FAT3: variants seen among roughly 807,000 people sequenced by gnomAD.
The protein encoded by FAT3 is protocadherin Fat 3.
In FAT3, 95 loss-of-function variants were observed where a neutral mutation model predicts 310.2. The observed-to-expected ratio is 0.31, with a 90% CI of 0.26 to 0.36. The LOEUF (loss-of-function observed/expected upper bound fraction) is 0.36, where lower values mean the gene tolerates loss of function less well. Among genes scored for constraint, FAT3 ranks in the 10% least tolerant of loss-of-function variants. FAT3 has a pLI of 1.00. For synonymous variants in FAT3, 2,314 were observed against 2,192.9 expected (o/e 1.06, Z -1.54); for missense variants, 5,408 against 5,715.6 (o/e 0.95, Z 1.74).
intron 3 of FAT3, among the ~76,000 whole-genome samples, chr11:92,544,874 A>T (rs571997261): frequency 6.6e-6 from 1 of 152,234 alleles, no homozygotes; most frequent in South Asian, 2.1e-4. Flanking sequence ...AGGTTTTGAG[A>T]CTTATGTGTG....
chr11:92,809,197 A>C (rs1440371692), intron 12 of FAT3, among the ~76,000 whole-genome samples: 2 of 152,172 alleles, frequency 1.3e-5, no homozygotes, highest in African/African-American at 4.8e-5. Flanking sequence ...GATGCTAAGG[A>C]ACTGCTTTTC....
Position 92,810,017 on chromosome 11 carries a change from A to G in FAT3, c.9422A>G (p.Tyr3141Cys), listed in dbSNP as rs751754446. ...TCTGACCACTACAACACCTGTGTCT[A>G]TGAGAACACAGCCACCAAGGCTCTG... ...FSSDHYNTCV[Y>C]ENTATKALLT... The change falls in exon 13 of 28, where the codon TAT becomes TGT. Residue 3141 changes from tyrosine to cysteine, a missense_variant. Tyr to Cys is a radical substitution (Grantham distance 194). This residue lies in a region of FAT3 where 4,588 missense variants were observed against 4,809.8 expected (regional missense o/e 0.95). Transcript: ENST00000525166. 3 of 1,613,934 alleles carry G rather than the reference A, an allele frequency of 1.9e-6. No homozygotes were observed. The highest frequency in any genetic ancestry group is 1.1e-5 in the South Asian group (1 of 91,074).
intron 4 of FAT3, among the ~76,000 whole-genome samples, chr11:92,734,504 A>G (rs1188595380): frequency 6.6e-6 from 1 of 152,202 alleles, no homozygotes; most frequent in Non-Finnish European, 1.5e-5. Flanking sequence ...ACTGAACGCT[A>G]AAGTCTAAGT....
At chr11:92,269,816 G>A (rs1946074435) in intron 1 of FAT3, among the ~76,000 whole-genome samples, 1 of 152,116 alleles carries the variant, frequency 6.6e-6, no homozygotes. Context: ...TGTAGCCACT[G>A]TACCCCACTT....
At chr11:92,661,455 A>G (rs1942778545) in intron 3 of FAT3, among the ~76,000 whole-genome samples, 1 of 152,120 alleles carries the variant, frequency 6.6e-6, no homozygotes, top group Admixed American at 6.5e-5. Context: ...ATTCAATTCC[A>G]AGATCCACAT....
At chr11:92,571,827 A>T (rs781704475) in intron 3 of FAT3, among the ~76,000 whole-genome samples, 7 of 151,608 alleles carry the variant, frequency 4.6e-5, no homozygotes, top group Non-Finnish European at 8.8e-5. Context: ...TCTGCATTTG[A>T]TTTCTTTCTT....
chr11:92,322,799 C>T (rs543892567), intron 1 of FAT3, among the ~76,000 whole-genome samples: 1 of 152,276 alleles, frequency 6.6e-6, no homozygotes, highest in African/African-American at 2.4e-5. Flanking sequence ...ACTTGTGATT[C>T]TAGTTCTCTC....
At chr11:92,514,004 C>T (rs949519653) in intron 2 of FAT3, among the ~76,000 whole-genome samples, 1 of 152,138 alleles carries the variant, frequency 6.6e-6, no homozygotes, top group African/African-American at 2.4e-5. Flanking sequence ...AACAACCTAG[C>T]ATGTAATATT....
chr11:92,492,731 C>A (rs1012291748), intron 2 of FAT3, among the ~76,000 whole-genome samples: 8 of 151,972 alleles, frequency 5.3e-5, no homozygotes, highest in Non-Finnish European at 1.0e-4. Context: ...CAACAGAAAG[C>A]CTGAGCTTTG....
chr11:92,859,563 G>A (rs1221132632), intron 21 of FAT3, among the ~76,000 whole-genome samples: 1 of 152,180 alleles, frequency 6.6e-6, no homozygotes, highest in Non-Finnish European at 1.5e-5. Context: ...CGGGTTCAAG[G>A]GCTGGCTTCC....
rs983818132 is a variant in FAT3 at position 92,810,002 on chromosome 11, A to G, written c.9407A>G (p.Tyr3136Cys). The G allele has an allele frequency of 1.2e-6, 2 of 1,613,842 alleles. No individual in the cohort carries two copies. Among genetic ancestry groups the G allele is most frequent in the Non-Finnish European group, 8.5e-7 (1 of 1,179,852 alleles). ...CCCCCTGTGTTTTCTTCTGACCACT[A>G]CAACACCTGTGTCTATGAGAACACA... is the stretch of plus-strand genomic sequence containing the variant. ...DNPPVFSSDHYNTCVYENTAT... is the reference protein window; with the variant it reads ...DNPPVFSSDHCNTCVYENTAT... The change falls in exon 13 of 28, where the codon TAC (tyrosine) becomes TGC (cysteine). Residue 3136 changes from tyrosine to cysteine, a missense_variant. Around this residue, in one of 5 missense-constraint regions of FAT3, gnomAD observed 4,588 missense variants for 4,809.8 expected, o/e 0.95. Transcript: ENST00000525166.
intron 21 of FAT3, 106 bp downstream of exon 21, chr11:92,859,428 C>A (rs1949067200): frequency 8.4e-7 from 1 of 1,191,954 alleles, no homozygotes; most frequent in Non-Finnish European, 1.1e-6. Context: ...GTTCAGAAGA[C>A]CAGAAGCAGA....
At chr11:92,807,523 A>G (rs190562384) in intron 12 of FAT3, among the ~76,000 whole-genome samples, 42 of 152,310 alleles carry the variant, frequency 2.8e-4, no homozygotes, top group African/African-American at 9.4e-4. Context: ...TGTTTCTCGT[A>G]TCTGTAAGTT....
Position 92,733,752 on chromosome 11 carries a change from A to G in FAT3, c.3670-28104A>G, listed in dbSNP as rs151284494. Among the ~76,000 whole-genome samples, 1,313 of 152,266 alleles carry G rather than the reference A, an allele frequency of 8.6e-3. 18 individuals are homozygous for G. The highest frequency in any genetic ancestry group is 0.03 in the African/African-American group (1,243 of 41,548). ...GGGGGGCAAAAAAGTGAAACTTCCT[A>G]TTGAGACCTTAGATATATGGGATGA... On this transcript the variant is annotated intron_variant, in intron 4 of 27. Transcript: ENST00000525166.
At chr11:92,843,792 C>A (rs568347191) in intron 18 of FAT3, 142 bp from the exon 19 acceptor site, 2 of 790,746 alleles carry the variant, frequency 2.5e-6, no homozygotes, top group East Asian at 2.5e-5. Flanking sequence ...AACGCACATC[C>A]TCAGCATTTT....
At chr11:92,617,772 G>A (rs506835) in intron 3 of FAT3, among the ~76,000 whole-genome samples, 85,311 of 152,012 alleles carry the variant, frequency 0.56, 25,371 homozygotes, top group African/African-American at 0.76. Flanking sequence ...TTGCCCGGGT[G>A]TCACCAGCGG....
At chr11:92,475,579 A>G (rs1378329658) in intron 2 of FAT3, among the ~76,000 whole-genome samples, 3 of 152,082 alleles carry the variant, frequency 2.0e-5, no homozygotes, top group African/African-American at 4.8e-5. Context: ...AGTTTCTAAC[A>G]TTAGAAACTA....
intron 2 of FAT3, among the ~76,000 whole-genome samples, chr11:92,474,871 G>A (rs1219353472): frequency 6.6e-6 from 1 of 152,222 alleles, no homozygotes; most frequent in Non-Finnish European, 1.5e-5. Flanking sequence ...GGCTAAAAAT[G>A]TGCTTGGCTA....
rs898299684 is a variant in FAT3 at position 92,867,001 on chromosome 11, G to C, written c.11919G>C (p.Thr3973=). 3.7e-6 allele frequency: 6 copies of C among 1,605,066 alleles called. No homozygotes were observed. The highest frequency in any genetic ancestry group is 5.1e-6 in the Non-Finnish European group (6 of 1,175,850). Residue 3973 remains threonine, a synonymous_variant, in exon 22 of 28, where the codon ACG becomes ACC. Coordinates refer to ENST00000525166, the MANE Select transcript of FAT3 (RefSeq NM_001367949.2). ...QADNIRSLTD[T]RVTQVLSGFQ... ...ATAACATCCGCAGCCTGACTGACACGCGGGTCACGCAGGTGCTCAGCGGCT... is the reference window on the plus strand; with the variant it reads ...ATAACATCCGCAGCCTGACTGACACCCGGGTCACGCAGGTGCTCAGCGGCT...
Sources: allele counts gnomAD v4.1 joint callset (sites outside exome capture counted in the v4.1 genomes callset), GRCh38; gene constraint gnomAD v4.1.1; regional missense constraint gnomAD v4.1.1; transcripts MANE v1.5; gene names NCBI Gene and HGNC (gene_info 2026-07-23, HGNC 2026-07-21).